The following KIF13A variants were observed in gnomAD, a reference collection of about 807,000 sequenced individuals.
KIF13A encodes the protein kinesin-like protein KIF13A.
KIF13A carries 79 observed loss-of-function variants against 212.2 expected under a neutral mutation model. That is an observed-to-expected ratio of 0.37 (90% CI 0.31 to 0.45). The LOEUF (loss-of-function observed/expected upper bound fraction) is 0.45. Among genes scored for constraint, KIF13A ranks in the 20% least tolerant of loss-of-function variants. The pLI, the probability that KIF13A is intolerant of heterozygous loss-of-function variation, is 1.00. For missense variants in KIF13A, 1,901 were observed against 2,209.0 expected (o/e 0.86, Z 2.79); for synonymous variants, 789 against 808.6 (o/e 0.98, Z 0.41).
At chr6:17,973,555 CTACT>C (rs1403122482) in intron 2 of KIF13A, among the ~76,000 whole-genome samples, 3 of 152,110 alleles carry the variant, frequency 2.0e-5, no homozygotes, top group Non-Finnish European at 4.4e-5. Flanking sequence ...TAAATGTTAC[CTACT>C]TACTCTATTT....
chr6:17,913,686 T>C (rs529263743), intron 2 of KIF13A, among the ~76,000 whole-genome samples: 1 of 152,098 alleles, frequency 6.6e-6, no homozygotes, highest in South Asian at 2.1e-4. Flanking sequence ...TGTTTGTCAG[T>C]AACATCAGGG....
intron 4 of KIF13A, among the ~76,000 whole-genome samples, chr6:17,870,780 C>T (rs1013299319): frequency 4.6e-5 from 7 of 151,988 alleles, no homozygotes; most frequent in Admixed American, 2.0e-4. Flanking sequence ...GGTTCCCCCC[C>T]GCCAAGATAT....
chr6:17,934,696 G>C lies in KIF13A; in HGVS notation c.147-36516C>G, dbSNP rs893346929. Among the ~76,000 whole-genome samples the C allele has an allele frequency of 2.4e-4, 37 of 151,732 alleles. 1 individual carries two copies. Among genetic ancestry groups the C allele is most frequent in the African/African-American group, 8.2e-4 (34 of 41,260 alleles). Reference sequence around the variant, plus strand: ...TCACCTACTTGGGAGGCCGAGGTGGGAGGATCGCTTGAGCCCAGGAGGTAG... The same window carrying C: ...TCACCTACTTGGGAGGCCGAGGTGGCAGGATCGCTTGAGCCCAGGAGGTAG... On this transcript the variant is annotated intron_variant, in intron 2 of 38. Transcript: ENST00000259711. This position sits in a 1 kb window ranked among gnomAD's most constrained non-coding sequence, Gnocchi z 5.4.
intron 2 of KIF13A, among the ~76,000 whole-genome samples, chr6:17,958,836 C>T (rs1400056135): frequency 6.6e-6 from 1 of 150,772 alleles, no homozygotes; most frequent in Non-Finnish European, 1.5e-5. Flanking sequence ...ATTATAAAAC[C>T]ATGTTGACAA....
rs2150645402 is a variant in KIF13A, at chr6:17,982,913, G to A, written c.146+4141C>T. The stretch of plus-strand genomic sequence containing the variant: ...GGGCCAGGCGTGGTGGCTCACGCCT[G>A]TAATCCCAGCACTTTGGGAGGCCGA... On this transcript the variant is annotated intron_variant, in intron 2 of 38. Coordinates refer to ENST00000259711, the MANE Select transcript of KIF13A (RefSeq NM_022113.6). The surrounding 1 kb of genome is among the most constrained non-coding windows in gnomAD (Gnocchi z 5.1). Among the ~76,000 whole-genome samples the A allele has an allele frequency of 6.6e-6, 1 of 152,294 alleles. No individual in the cohort carries two copies. Among genetic ancestry groups the A allele is most frequent in the East Asian group, 1.9e-4 (1 of 5,184 alleles).
chr6:17,946,648 T>C (rs1777425574), intron 2 of KIF13A, among the ~76,000 whole-genome samples: 1 of 152,228 alleles, frequency 6.6e-6, no homozygotes, highest in African/African-American at 2.4e-5. Context: ...AGTACTGTCA[T>C]TATCTTATAC....
intron 2 of KIF13A, among the ~76,000 whole-genome samples, chr6:17,906,308 C>A (rs1008340128): frequency 6.6e-6 from 1 of 152,088 alleles, no homozygotes; most frequent in South Asian, 2.1e-4. Context: ...TTTCTCCTAA[C>A]CCCTTATTTC....
At chr6:17,821,950 C>T in intron 16 of KIF13A, 1 of 1,531,868 alleles carries the variant, frequency 6.5e-7, no homozygotes, top group Non-Finnish European at 8.7e-7. Flanking sequence ...CAGCCACCGG[C>T]ACATCAGCAC....
chr6:17,803,352 C>T (rs1481907859), intron 20 of KIF13A, among the ~76,000 whole-genome samples: 2 of 152,134 alleles, frequency 1.3e-5, no homozygotes, highest in Non-Finnish European at 2.9e-5. Context: ...CTGTTAGGCA[C>T]TGGTCCTCTG....
rs1023292864 is a variant in KIF13A at position 17,776,438 on chromosome 6, CTTT to C, written c.4170+836_4170+838del. ...ATCCTAATTTCCATCATAATTTCTTCTTTGAGAAATGAGTTCATGAAAAGCGTT... is the reference window on the plus strand; with the variant it reads ...ATCCTAATTTCCATCATAATTTCTTCGAGAAATGAGTTCATGAAAAGCGTT... On this transcript the variant is annotated intron_variant, in intron 34 of 38. Coordinates refer to ENST00000259711, the MANE Select transcript of KIF13A (RefSeq NM_022113.6). The surrounding 1 kb of genome is among the most constrained non-coding windows in gnomAD (Gnocchi z 4.6). Among the ~76,000 whole-genome samples the C allele has an allele frequency of 2.6e-5, 4 of 152,172 alleles. No homozygotes were observed. The highest frequency in any genetic ancestry group is 9.7e-5 in the African/African-American group (4 of 41,450).
chr6:17,846,511 T>C (rs1401606717), intron 9 of KIF13A, among the ~76,000 whole-genome samples: 1 of 148,544 alleles, frequency 6.7e-6, no homozygotes, highest in East Asian at 2.0e-4. Flanking sequence ...CTCACACCTA[T>C]AACCCTAGCA....
intron 3 of KIF13A, among the ~76,000 whole-genome samples, chr6:17,884,088 C>T (rs1176980506): frequency 1.3e-5 from 2 of 152,156 alleles, no homozygotes; most frequent in African/African-American, 4.8e-5. Context: ...TCACACTACT[C>T]AAGACCTGCT....
At chr6:17,954,450 A>T (rs1180333499) in intron 2 of KIF13A, among the ~76,000 whole-genome samples, 1 of 152,230 alleles carries the variant, frequency 6.6e-6, no homozygotes, top group Non-Finnish European at 1.5e-5. Context: ...GCTGCTCAAT[A>T]AATAACAGCT....
At chr6:17,807,745 G>A (rs953625114) in intron 18 of KIF13A, among the ~76,000 whole-genome samples, 2 of 145,754 alleles carry the variant, frequency 1.4e-5, no homozygotes, top group African/African-American at 4.9e-5. Flanking sequence ...ATAAAAACTT[G>A]CTGGTTTTGA....
In KIF13A at chr6:17,814,118, A is replaced by G. The variant is rs527589007; in HGVS notation, c.2000+2902T>C. Among the ~76,000 whole-genome samples the G allele has an allele frequency of 4.0e-5, 6 of 150,630 alleles. No individual in the cohort carries two copies. In the East Asian group the frequency reaches 1.2e-3, roughly 30 times the overall value. ...CAGGCGCCCGCCACCACGCCCGGCT[A>G]ATTTTTGTATTTTTAGTAGAGATGG... On this transcript the variant is annotated intron_variant, in intron 17 of 38. Coordinates refer to ENST00000259711, the MANE Select transcript of KIF13A (RefSeq NM_022113.6).
Position 17,987,564 on chromosome 6 carries a change from G to A in KIF13A, c.-101C>T. On this transcript the variant is annotated 5_prime_UTR_variant, in exon 1 of 39. Coordinates refer to ENST00000259711, the MANE Select transcript of KIF13A (RefSeq NM_022113.6). The surrounding 1 kb of genome is among the most constrained non-coding windows in gnomAD (Gnocchi z 7.7). ...CTGCAGCCGCGCGCCCCTCGAGCGCGGCCGCCGCCGCTCCGCCGTGAGCTC... is the reference window on the plus strand; with the variant it reads ...CTGCAGCCGCGCGCCCCTCGAGCGCAGCCGCCGCCGCTCCGCCGTGAGCTC... 5.4e-6 allele frequency: 3 copies of A among 554,688 alleles called. No homozygotes were observed. The highest frequency in any genetic ancestry group is 6.9e-6 in the Non-Finnish European group (3 of 437,866). 34.4% of individuals were successfully genotyped at this position (554,688 alleles called of 1,614,324 possible). A position where few individuals can be genotyped will look rare whatever the true frequency, so the allele number is the denominator to read the frequency against.
intron 3 of KIF13A, among the ~76,000 whole-genome samples, chr6:17,885,918 T>C (rs753833307): frequency 5.3e-5 from 8 of 152,214 alleles, no homozygotes; most frequent in Admixed American, 2.6e-4. Flanking sequence ...GCACAATCTG[T>C]GGTATTTCCA....
intron 16 of KIF13A, among the ~76,000 whole-genome samples, chr6:17,817,817 A>G (rs181717765): frequency 6.6e-6 from 1 of 152,366 alleles, no homozygotes; most frequent in East Asian, 1.9e-4. Flanking sequence ...ATCTAAAAGG[A>G]CAATTCACTT....
At chr6:17,946,570 T>G (rs1777418454) in intron 2 of KIF13A, among the ~76,000 whole-genome samples, 1 of 152,190 alleles carries the variant, frequency 6.6e-6, no homozygotes, top group African/African-American at 2.4e-5. Context: ...AAATGCAAAT[T>G]AAAACCACAA....
Sources: allele counts gnomAD v4.1 joint callset (sites outside exome capture counted in the v4.1 genomes callset), GRCh38; gene constraint gnomAD v4.1.1; non-coding constraint Gnocchi (gnomAD v3.1); transcripts MANE v1.5; gene names NCBI Gene and HGNC (gene_info 2026-07-23, HGNC 2026-07-21).